The following TENT4A variants were observed in gnomAD, a reference collection of about 807,000 sequenced individuals.
The protein encoded by TENT4A is DNA polymerase kappa.
In TENT4A, 7 loss-of-function variants were observed where a neutral mutation model predicts 72.8. The ratio of observed to expected loss-of-function variants is 0.10; its 90% CI spans 0.05 to 0.18. The LOEUF (loss-of-function observed/expected upper bound fraction) is 0.18. Ranked by LOEUF, TENT4A falls within the 10% of genes least tolerant of loss-of-function variation. The pLI is 1.00. For synonymous variants in TENT4A, 456 were observed against 434.3 expected (o/e 1.05, Z -0.62); for missense variants, 831 against 1,017.7 (o/e 0.82, Z 2.50).
chr5:6,722,633 G>A (rs2126602360), intron 1 of TENT4A, among the ~76,000 whole-genome samples: 1 of 151,000 alleles, frequency 6.6e-6, no homozygotes, highest in South Asian at 2.1e-4. Context: ...CTCCCCAGAG[G>A]CAAGGGTACT....
chr5:6,729,522 G>C (rs999346221), intron 1 of TENT4A, among the ~76,000 whole-genome samples: 24 of 152,376 alleles, frequency 1.6e-4, no homozygotes, highest in African/African-American at 5.8e-4. Flanking sequence ...CTAGCTTCCA[G>C]GCGCAGTCAC....
At chr5:6,734,577 C>G (rs1371733594) in intron 1 of TENT4A, among the ~76,000 whole-genome samples, 1 of 152,252 alleles carries the variant, frequency 6.6e-6, no homozygotes, top group African/African-American at 2.4e-5. Context: ...CCGGCAGTTT[C>G]CATTCTATTC....
At chr5:6,751,224 G>A (rs369711692) in intron 11 of TENT4A, 27 bp downstream of exon 11, 18 of 1,613,072 alleles carry the variant, frequency 1.1e-5, no homozygotes, top group African/African-American at 9.3e-5. Flanking sequence ...CACCCTTCCC[G>A]CTGGTGGCCC....
Position 6,756,627 on chromosome 5 carries a change from CTG to C in TENT4A, c.*1686_*1687del, listed in dbSNP as rs1345881721. 6.6e-6 allele frequency: 1 copy of C among 152,518 alleles called. No individual in the cohort carries two copies. The highest frequency in any genetic ancestry group is 1.5e-5 in the Non-Finnish European group (1 of 68,038). The allele number at this position is 152,518 out of a possible 1,614,324, so 9.4% of individuals were successfully genotyped here. On this transcript the variant is annotated 3_prime_UTR_variant, in exon 13 of 13. Coordinates refer to ENST00000230859, the MANE Select transcript of TENT4A (RefSeq NM_006999.6). ...AGGCATTCCAGAATAGAGTAGCACA[CTG>C]TGTCTGCAGTTCTCGATGACCGAAA...
chr5:6,750,865 A>C, intron 10 of TENT4A, 174 bp from the exon 11 acceptor site: 2 of 629,250 alleles, frequency 3.2e-6, no homozygotes, highest in Middle Eastern at 4.2e-4. Flanking sequence ...GTTGTGATGA[A>C]ATTACTTGAA....
chr5:6,725,267 G>A (rs1330811369), intron 1 of TENT4A, among the ~76,000 whole-genome samples: 1 of 151,336 alleles, frequency 6.6e-6, no homozygotes, highest in African/African-American at 2.4e-5. Context: ...GTTGCAGTGA[G>A]CCGAGATCAC....
intron 1 of TENT4A, among the ~76,000 whole-genome samples, chr5:6,724,050 G>C (rs1740785534): frequency 6.6e-6 from 1 of 152,250 alleles, no homozygotes; most frequent in African/African-American, 2.4e-5. Flanking sequence ...CTGGGGGCTT[G>C]ACCTGCAGTC....
At chr5:6,728,363 C>G (rs1741044418) in intron 1 of TENT4A, among the ~76,000 whole-genome samples, 1 of 152,202 alleles carries the variant, frequency 6.6e-6, no homozygotes, top group South Asian at 2.1e-4. Flanking sequence ...CAGCACAGCC[C>G]CCTGGCAGCG....
intron 1 of TENT4A, among the ~76,000 whole-genome samples, chr5:6,720,464 C>T (rs951932684): frequency 3.3e-5 from 5 of 152,150 alleles, no homozygotes; most frequent in Admixed American, 2.0e-4. Flanking sequence ...TTGGTGGTTA[C>T]TACTGAACTC....
intron 4 of TENT4A, 122 bp from the exon 5 acceptor site, chr5:6,742,368 T>C (rs1414571135): frequency 6.1e-6 from 4 of 654,252 alleles, no homozygotes; most frequent in Non-Finnish European, 1.1e-5. Flanking sequence ...GACAGTGTTC[T>C]CTGACCCCCT....
chr5:6,745,034 C>T lies in TENT4A; in HGVS notation c.1246-1180C>T, dbSNP rs569084183. ...AGTGGGATTCCTGTGTTCACTGCCACATCCCTGTGCCTTGTCCAGTGCCCA... is the reference window on the plus strand; with the variant it reads ...AGTGGGATTCCTGTGTTCACTGCCATATCCCTGTGCCTTGTCCAGTGCCCA... On this transcript the variant is annotated intron_variant, in intron 6 of 12. Coordinates refer to ENST00000230859, the MANE Select transcript of TENT4A (RefSeq NM_006999.6). Among the ~76,000 whole-genome samples the T allele has an allele frequency of 5.9e-5, 9 of 152,354 alleles. No homozygotes were observed. In the South Asian group the frequency reaches 1.9e-3, roughly 32 times the overall value.
intron 7 of TENT4A, among the ~76,000 whole-genome samples, chr5:6,747,985 C>T (rs1742196768): frequency 6.6e-6 from 1 of 152,242 alleles, no homozygotes; most frequent in African/African-American, 2.4e-5. Flanking sequence ...TTAGCGTTGA[C>T]TGAGTTGTGA....
intron 1 of TENT4A, among the ~76,000 whole-genome samples, chr5:6,730,938 T>G (rs1741179742): frequency 6.6e-6 from 1 of 152,214 alleles, no homozygotes; most frequent in Non-Finnish European, 1.5e-5. Context: ...AGCAATGCAG[T>G]CATTCCCTCA....
At chr5:6,726,889 G>A (rs1487161130) in intron 1 of TENT4A, among the ~76,000 whole-genome samples, 2 of 152,114 alleles carry the variant, frequency 1.3e-5, no homozygotes, top group Admixed American at 6.5e-5. Context: ...GTGGCGGGGG[G>A]TTTTCTCTTG....
At chr5:6,746,551 TTA>T in intron 7 of TENT4A, 124 bp downstream of exon 7, 1 of 745,022 alleles carries the variant, frequency 1.3e-6, no homozygotes, top group Non-Finnish European at 2.2e-6. Context: ...CAGGTTTCTC[TTA>T]TACTAACCAG....
intron 1 of TENT4A, among the ~76,000 whole-genome samples, chr5:6,734,016 C>T (rs567238770): frequency 6.6e-6 from 1 of 152,208 alleles, no homozygotes. Context: ...TTTTAGATGT[C>T]GTAGAGAGTG....
chr5:6,726,054 C>T (rs1160530079), intron 1 of TENT4A, among the ~76,000 whole-genome samples: 3 of 152,184 alleles, frequency 2.0e-5, no homozygotes. Context: ...GTTTCTCCCT[C>T]CTCTGGTGCC....
intron 1 of TENT4A, among the ~76,000 whole-genome samples, chr5:6,716,119 G>A (rs960504239): frequency 6.6e-6 from 1 of 152,152 alleles, no homozygotes; most frequent in Non-Finnish European, 1.5e-5. Flanking sequence ...TTAGAAAGTG[G>A]TAGCGCATCA....
In TENT4A at chr5:6,750,415, A is replaced by C. The variant is rs1196652683; in HGVS notation, c.1772A>C (p.Gln591Pro). 1.9e-6 allele frequency: 3 copies of C among 1,613,494 alleles called. No homozygotes were observed. Among genetic ancestry groups the C allele is most frequent in the South Asian group, 2.2e-5 (2 of 91,004 alleles). Residue 591 changes from glutamine (Q) to proline (P), a missense_variant, in exon 10 of 13, where the codon CAG becomes CCG. By Grantham distance (76) the Gln-to-Pro change is moderately conservative (BLOSUM62 -1). This residue lies in a region of TENT4A where 332 missense variants were observed against 324.3 expected (regional missense o/e 1.02). Coordinates refer to ENST00000230859, the MANE Select transcript of TENT4A (RefSeq NM_006999.6). ...QNREPESPYGQRLTLSLSSPQ... is the reference protein window; with the variant it reads ...QNREPESPYGPRLTLSLSSPQ... ...CGAGAGCCCGAGTCTCCCTATGGCC[A>C]GCGCTTGACTTTGTCGCTGTCCAGC...
Sources: allele counts gnomAD v4.1 joint callset (sites outside exome capture counted in the v4.1 genomes callset), GRCh38; gene constraint gnomAD v4.1.1; regional missense constraint gnomAD v4.1.1; transcripts MANE v1.5; gene names NCBI Gene and HGNC (gene_info 2026-07-23, HGNC 2026-07-21).